The following ITGA8 variants were observed in gnomAD, a reference collection of about 807,000 sequenced individuals.
The protein encoded by ITGA8 is integrin alpha-8.
ITGA8 carries 91 observed loss-of-function variants against 142.3 expected under a neutral mutation model. That is an observed-to-expected ratio of 0.64 (90% CI 0.54 to 0.76). ITGA8 has a LOEUF of 0.76. ITGA8 is among the 30% of genes least tolerant of loss of function. The pLI is 0.00. For missense variants in ITGA8, 1,406 were observed against 1,327.7 expected (o/e 1.06, Z -0.92); for synonymous variants, 505 against 485.2 (o/e 1.04, Z -0.54).
At chr10:15,562,335 C>T (rs955150226) in intron 25 of ITGA8, among the ~76,000 whole-genome samples, 2 of 152,156 alleles carry the variant, frequency 1.3e-5, no homozygotes, top group African/African-American at 2.4e-5. Context: ...ACGTGCGCCC[C>T]GACATCAATC....
intron 2 of ITGA8, among the ~76,000 whole-genome samples, chr10:15,696,812 G>C (rs553490569): frequency 6.8e-5 from 10 of 146,978 alleles, no homozygotes; most frequent in South Asian, 2.2e-4. Context: ...AGCTACGATA[G>C]TGCCACCGCA....
At chr10:15,637,783 G>A (rs1390712660) in intron 13 of ITGA8, among the ~76,000 whole-genome samples, 3 of 147,896 alleles carry the variant, frequency 2.0e-5, no homozygotes, top group South Asian at 2.2e-4. Context: ...ATGAGCTACC[G>A]TGCCCATCGG....
At chr10:15,678,828 G>A (rs939510883) in intron 4 of ITGA8, 45 bp from the exon 5 acceptor site, 3 of 1,290,676 alleles carry the variant, frequency 2.3e-6, no homozygotes, top group Non-Finnish European at 3.3e-6. Context: ...TATCATTCCT[G>A]AAATATTTTT....
At chr10:15,574,747 T>C (rs9333194) in intron 24 of ITGA8, among the ~76,000 whole-genome samples, 18,013 of 151,510 alleles carry the variant, frequency 0.12, 1,814 homozygotes, top group East Asian at 0.29. Flanking sequence ...ATAGTTCTTA[T>C]TGTTTTCTGT....
At chr10:15,689,320 C>T (rs1016285775) in intron 2 of ITGA8, among the ~76,000 whole-genome samples, 2 of 152,154 alleles carry the variant, frequency 1.3e-5, no homozygotes, top group African/African-American at 2.4e-5. Flanking sequence ...TTAAGGAGAT[C>T]GCTGGAGAAC....
intron 1 of ITGA8, 27 bp downstream of exon 1, chr10:15,719,536 C>A (rs757176135): frequency 6.6e-7 from 1 of 1,519,864 alleles, no homozygotes; most frequent in South Asian, 1.3e-5. Context: ...CGTCCCCGCG[C>A]GCACCTCCCC....
At chr10:15,636,256 G>A (rs772870547) in intron 13 of ITGA8, among the ~76,000 whole-genome samples, 2 of 152,140 alleles carry the variant, frequency 1.3e-5, no homozygotes, top group African/African-American at 4.8e-5. Flanking sequence ...TGACTATCAC[G>A]GCTGTTTCTC....
At chr10:15,564,373 T>C (rs1244027295) in intron 25 of ITGA8, among the ~76,000 whole-genome samples, 1 of 152,240 alleles carries the variant, frequency 6.6e-6, no homozygotes, top group Non-Finnish European at 1.5e-5. Context: ...AGGCCATGGT[T>C]TTCCACTGAG....
At chr10:15,673,152 C>T (rs774074391) in intron 6 of ITGA8, among the ~76,000 whole-genome samples, 9 of 152,262 alleles carry the variant, frequency 5.9e-5, no homozygotes, top group East Asian at 3.9e-4. Context: ...GGTGCAGTCT[C>T]AGCTCACTGC....
At chr10:15,554,375 C>A (rs1266969659) in intron 26 of ITGA8, among the ~76,000 whole-genome samples, 1 of 152,166 alleles carries the variant, frequency 6.6e-6, no homozygotes, top group Non-Finnish European at 1.5e-5. Context: ...TCCTTGTACC[C>A]TAAGTCTATG....
intron 13 of ITGA8, among the ~76,000 whole-genome samples, chr10:15,618,434 C>A (rs7899801): frequency 0.41 from 62,235 of 152,034 alleles, 13,211 homozygotes; most frequent in South Asian, 0.63. Context: ...AGAATTTGTA[C>A]AGAAAAATGA....
intron 17 of ITGA8, among the ~76,000 whole-genome samples, 167 bp from the exon 18 acceptor site, chr10:15,606,589 C>T (rs1253886633): frequency 6.6e-6 from 1 of 152,056 alleles, no homozygotes; most frequent in African/African-American, 2.4e-5. Context: ...ATATAGTAGC[C>T]AGCATACCTA....
At chr10:15,587,643 AC>A (rs1358142075) in intron 22 of ITGA8, among the ~76,000 whole-genome samples, 2 of 152,216 alleles carry the variant, frequency 1.3e-5, no homozygotes, top group Non-Finnish European at 2.9e-5. Flanking sequence ...CTGAATATAG[AC>A]CCAAGGAAGT....
chr10:15,545,795 G>A (rs1332869209), intron 27 of ITGA8, among the ~76,000 whole-genome samples: 1 of 151,826 alleles, frequency 6.6e-6, no homozygotes, highest in Non-Finnish European at 1.5e-5. Flanking sequence ...TTTTATTACT[G>A]TGTAGTATTG....
At chr10:15,639,429 C>G (rs937637534) in intron 13 of ITGA8, among the ~76,000 whole-genome samples, 2 of 152,176 alleles carry the variant, frequency 1.3e-5, no homozygotes, top group Admixed American at 1.3e-4. Flanking sequence ...TCAGTCATCA[C>G]AGTATCTGAA....
rs540600726 is a variant in ITGA8, at chr10:15,626,023, A to G, written c.1400-9464T>C. On this transcript the variant is annotated intron_variant, in intron 13 of 29. Transcript: ENST00000378076. ...CTCCATCTTTGCCAGCCAGGTATAC[A>G]GGAAGAAACAGGCAACATGGCACCT... 3.3e-5 allele frequency among the ~76,000 whole-genome samples: 5 copies of G among 152,312 alleles called. No individual in the cohort carries two copies. The South Asian group carries it at 1.0e-3, about 32-fold the overall frequency.
intron 25 of ITGA8, among the ~76,000 whole-genome samples, chr10:15,563,064 T>A (rs1398634616): frequency 8.9e-6 from 1 of 112,612 alleles, no homozygotes; most frequent in Non-Finnish European, 1.8e-5. Flanking sequence ...CCACCCACCC[T>A]CTCTCTCTTG....
At chr10:15,593,990 T>TCACCC (rs1564365993) in intron 21 of ITGA8, among the ~76,000 whole-genome samples, 1 of 151,860 alleles carries the variant, frequency 6.6e-6, no homozygotes, top group Admixed American at 6.6e-5. Flanking sequence ...TACGGGTGTG[T>TCACCC]GCCACCACAC....
At chr10:15,553,341 G>T (rs1482958148) in intron 26 of ITGA8, among the ~76,000 whole-genome samples, 10 of 144,718 alleles carry the variant, frequency 6.9e-5, no homozygotes, top group Non-Finnish European at 1.3e-4. Context: ...AGTAACTTCA[G>T]CTACTTCTAT....
Sources: allele counts gnomAD v4.1 joint callset (sites outside exome capture counted in the v4.1 genomes callset), GRCh38; gene constraint gnomAD v4.1.1; transcripts MANE v1.5; gene names NCBI Gene and HGNC (gene_info 2026-07-23, HGNC 2026-07-21).